Variants in PLPPR1 observed in about 807,000 individuals in gnomAD.
PLPPR1 encodes the protein phospholipid phosphatase related 1.
In PLPPR1, 10 loss-of-function variants were observed where a neutral mutation model predicts 33.1. That is an observed-to-expected ratio of 0.30 (90% CI 0.19 to 0.51). The LOEUF (loss-of-function observed/expected upper bound fraction) is 0.51. PLPPR1 is among the 20% of genes least tolerant of loss of function. PLPPR1 has a pLI of 0.97. For missense variants in PLPPR1, 304 were observed against 408.1 expected, an observed-to-expected ratio of 0.74 and a Z score of 2.20; for synonymous variants, 151 against 151.0, an observed-to-expected ratio of 1.00 and a Z score of 0.00.
intron 1 of PLPPR1, among the ~76,000 whole-genome samples, chr9:101,067,331 G>C (rs1372812554): frequency 1.3e-5 from 2 of 152,022 alleles, no homozygotes; most frequent in African/African-American, 4.8e-5. Flanking sequence ...TTTAGGATAG[G>C]ATTTGAGGAA....
intron 2 of PLPPR1, among the ~76,000 whole-genome samples, chr9:101,228,807 A>C (rs1827124984): frequency 6.6e-6 from 1 of 152,102 alleles, no homozygotes; most frequent in African/African-American, 2.4e-5. Flanking sequence ...AACTGGACAA[A>C]GTAGCAGCCG....
At chr9:101,136,173 A>C (rs998214496) in intron 1 of PLPPR1, among the ~76,000 whole-genome samples, 4 of 152,122 alleles carry the variant, frequency 2.6e-5, no homozygotes, top group African/African-American at 7.2e-5. Context: ...AATAGGAATT[A>C]GTGGGGAATA....
At chr9:101,063,195 T>C (rs1830367088) in intron 1 of PLPPR1, among the ~76,000 whole-genome samples, 1 of 152,112 alleles carries the variant, frequency 6.6e-6, no homozygotes, top group Non-Finnish European at 1.5e-5. Flanking sequence ...TGTATACTTA[T>C]TTCTTTTCAT....
intron 1 of PLPPR1, among the ~76,000 whole-genome samples, chr9:101,139,584 T>A (rs987079438): frequency 2.6e-5 from 4 of 152,104 alleles, no homozygotes; most frequent in African/African-American, 9.7e-5. Flanking sequence ...GAGGAGGTAG[T>A]CAGATAAGAT....
intron 1 of PLPPR1, among the ~76,000 whole-genome samples, chr9:101,034,462 C>G (rs746729228): frequency 1.6e-4 from 25 of 152,118 alleles, no homozygotes; most frequent in Non-Finnish European, 3.2e-4. Flanking sequence ...GTTTATGTAG[C>G]ACAGCGGTTA....
At chr9:101,292,769 C>A (rs2118926551) in intron 4 of PLPPR1, among the ~76,000 whole-genome samples, 1 of 151,750 alleles carries the variant, frequency 6.6e-6, no homozygotes, top group African/African-American at 2.4e-5. Flanking sequence ...GATTTTGTCA[C>A]CACCAGGCCT....
In PLPPR1 at chr9:101,317,209, G is replaced by A. The variant is rs551448940; in HGVS notation, c.814-156G>A. 2.9e-4 allele frequency among the ~76,000 whole-genome samples: 44 copies of A among 152,144 alleles called. 1 individual carries two copies. Among genetic ancestry groups the A allele is most frequent in the Non-Finnish European group, 4.7e-4 (32 of 68,024 alleles). The stretch of plus-strand genomic sequence containing the variant: ...CTGGTCATCTGGTGATTAAACAGAC[G>A]TTTCCACAGCACTTCCCATAGTCCC... On this transcript the variant is annotated intron_variant, in intron 6 of 7. Coordinates refer to ENST00000374874, the MANE Select transcript of PLPPR1 (RefSeq NM_207299.2).
At chr9:101,135,612 G>A (rs556190164) in intron 1 of PLPPR1, among the ~76,000 whole-genome samples, 4 of 152,246 alleles carry the variant, frequency 2.6e-5, no homozygotes, top group African/African-American at 9.6e-5. Flanking sequence ...AAGATCTGCT[G>A]GTTTGGAGTT....
At chr9:101,092,702 G>T (rs1231914799) in intron 1 of PLPPR1, among the ~76,000 whole-genome samples, 1 of 152,088 alleles carries the variant, frequency 6.6e-6, no homozygotes, top group Admixed American at 6.5e-5. Context: ...CACCTCTTCA[G>T]GGAAATCTTC....
chr9:101,115,918 A>T (rs947132539), intron 1 of PLPPR1, among the ~76,000 whole-genome samples: 2 of 152,256 alleles, frequency 1.3e-5, no homozygotes, highest in African/African-American at 4.8e-5. Flanking sequence ...TGACCACTTT[A>T]TGCTAAGTTC....
At chr9:101,192,972 T>A (rs1456068876) in intron 2 of PLPPR1, among the ~76,000 whole-genome samples, 2 of 152,196 alleles carry the variant, frequency 1.3e-5, no homozygotes, top group South Asian at 4.1e-4. Flanking sequence ...TATTGAAATA[T>A]CAGTGCTAAG....
chr9:101,226,367 G>GAGATATATGCCAGGGAAAA (rs1564183481), intron 2 of PLPPR1, among the ~76,000 whole-genome samples: 2 of 152,164 alleles, frequency 1.3e-5, no homozygotes, highest in Admixed American at 6.5e-5. Context: ...AGGGAAAACA[G>GAGATATATGCCAGGGAAAA]CTGAAGCTAC....
At chr9:101,167,976 C>G (rs1338344257) in intron 1 of PLPPR1, among the ~76,000 whole-genome samples, 1 of 152,076 alleles carries the variant, frequency 6.6e-6, no homozygotes, top group Non-Finnish European at 1.5e-5. Flanking sequence ...GGTAAGAGAG[C>G]TTGTGTAGGG....
intron 1 of PLPPR1, among the ~76,000 whole-genome samples, chr9:101,158,719 G>A (rs1203441419): frequency 1.3e-5 from 2 of 152,288 alleles, no homozygotes; most frequent in Middle Eastern, 3.4e-3. Context: ...TTGCTTCCTG[G>A]AGTTTTACTT....
chr9:101,294,901 A>T (rs1828592318), intron 4 of PLPPR1, among the ~76,000 whole-genome samples: 1 of 152,240 alleles, frequency 6.6e-6, no homozygotes, highest in Admixed American at 6.5e-5. Flanking sequence ...CAAGACAGGG[A>T]TTCCCTGTCT....
intron 1 of PLPPR1, among the ~76,000 whole-genome samples, chr9:101,147,504 A>G (rs925947965): frequency 2.6e-5 from 4 of 152,154 alleles, no homozygotes; most frequent in Non-Finnish European, 4.4e-5. Context: ...ATAGAGACCG[A>G]TGAATTAAGA....
chr9:101,311,868 G>A (rs1198098695), intron 5 of PLPPR1, among the ~76,000 whole-genome samples: 1 of 152,146 alleles, frequency 6.6e-6, no homozygotes, highest in Non-Finnish European at 1.5e-5. Flanking sequence ...GACCAATGGT[G>A]CCCTCTAGTG....
At chr9:101,238,095 C>T (rs1351496117) in intron 2 of PLPPR1, among the ~76,000 whole-genome samples, 1 of 132,730 alleles carries the variant, frequency 7.5e-6, no homozygotes, top group African/African-American at 2.8e-5. Flanking sequence ...CATATACATA[C>T]ATATATATAG....
intron 2 of PLPPR1, among the ~76,000 whole-genome samples, chr9:101,209,005 A>G (rs1826637011): frequency 6.6e-6 from 1 of 152,234 alleles, no homozygotes; most frequent in African/African-American, 2.4e-5. Context: ...TCAGAAACTA[A>G]TAAACTGAAA....
Sources: allele counts gnomAD v4.1 joint callset (sites outside exome capture counted in the v4.1 genomes callset), GRCh38; gene constraint gnomAD v4.1.1; transcripts MANE v1.5; gene names NCBI Gene and HGNC (gene_info 2026-07-23, HGNC 2026-07-21).